The following TLR5 variants were observed in gnomAD, a reference collection of about 807,000 sequenced individuals.
The protein encoded by TLR5 is toll like receptor 5.
For missense variants in TLR5, 944 were observed against 999.8 expected, an observed-to-expected ratio of 0.94 and a Z score of 0.75; for synonymous variants, 373 against 384.4, an observed-to-expected ratio of 0.97 and a Z score of 0.35.
chr1:223,125,965 G>T (rs1009933652), intron 5 of TLR5, among the ~76,000 whole-genome samples: 2 of 151,926 alleles, frequency 1.3e-5, no homozygotes, highest in Non-Finnish European at 1.5e-5. Context: ...ATGAAACACA[G>T]AACTAACTGT....
At chr1:223,118,128 ATCAG>A (rs1656768624) in intron 5 of TLR5, among the ~76,000 whole-genome samples, 2 of 152,370 alleles carry the variant, frequency 1.3e-5, no homozygotes, top group South Asian at 4.1e-4. Flanking sequence ...GACATGAGAC[ATCAG>A]TCAGATACAT....
chr1:223,111,190 G>A lies in TLR5; in HGVS notation c.1842C>T (p.Asp614=), dbSNP rs1032601842. 1.2e-6 allele frequency: 2 copies of A among 1,614,186 alleles called. No homozygotes were observed. Among genetic ancestry groups the A allele is most frequent in the Admixed American group, 1.7e-5 (1 of 60,020 alleles). ...PPADIYCVYP[D]SFSGVSLFSL... is the part of the protein sequence containing the mutation. ...AGAAGAGGGAAACCCCAGAGAACGAGTCAGGGTACACACAATATATGTCTG... is the reference window on the plus strand; with the variant it reads ...AGAAGAGGGAAACCCCAGAGAACGAATCAGGGTACACACAATATATGTCTG... Residue 614 remains aspartate (D), a synonymous_variant, in exon 6 of 6, where the codon GAC becomes GAT. Coordinates refer to ENST00000642603, the MANE Select transcript of TLR5 (RefSeq NM_003268.6).
chr1:223,135,006 T>C (rs562298001), intron 3 of TLR5, 142 bp from the exon 4 acceptor site: 7 of 152,262 alleles, frequency 4.6e-5, no homozygotes, highest in African/African-American at 1.7e-4. Flanking sequence ...GAAATGGGAA[T>C]GTGAAGAGAG....
chr1:223,111,099 C>A lies in TLR5; in HGVS notation c.1933G>T (p.Val645Leu), dbSNP rs1419146637. The A allele has an allele frequency of 1.5e-5, 25 of 1,614,036 alleles. No individual in the cohort carries two copies. The highest frequency in any genetic ancestry group is 2.1e-5 in the Non-Finnish European group (25 of 1,180,044). ...AACAGAGTCAGAGTGACAGTGCATA[C>A]AATGAAAAGGGAGAACTTTAGGGAC... ...LKSLKFSLFI[V>L]CTVTLTLFLM... The change falls in exon 6 of 6, where the codon GTA becomes TTA. Residue 645 changes from valine (V) to leucine (L), a missense_variant. By Grantham distance (32) the Val-to-Leu change is conservative. Transcript: ENST00000642603.
chr1:223,141,475 A>C (rs759680410), intron 2 of TLR5, 173 bp downstream of exon 2: 4 of 152,096 alleles, frequency 2.6e-5, no homozygotes, highest in Non-Finnish European at 5.9e-5. Flanking sequence ...TGATTGTTGA[A>C]ATTTAGATTA....
chr1:223,110,504 T>C lies in TLR5; in HGVS notation c.2528A>G (p.Lys843Arg). The change falls in exon 6 of 6, where the codon AAG (lysine) becomes AGG (arginine). Residue 843 changes from lysine (K) to arginine (R), a missense_variant. Physicochemically the swap from Lys to Arg is conservative, Grantham distance 26. Coordinates refer to ENST00000642603, the MANE Select transcript of TLR5 (RefSeq NM_003268.6). ...CAACGGAATGTTATTGTCTTTCTTC[T>C]TTTCTTTTTCTTTCTTTAGTATCTG... ...SQQILKKEKE[K>R]KKDNNIPLQT... The C allele has an allele frequency of 6.2e-7, 1 of 1,614,124 alleles. No homozygotes were observed. The highest frequency in any genetic ancestry group is 8.5e-7 in the Non-Finnish European group (1 of 1,180,014).
chr1:223,119,899 G>A (rs947992563), intron 5 of TLR5, among the ~76,000 whole-genome samples: 3 of 142,456 alleles, frequency 2.1e-5, no homozygotes, highest in African/African-American at 5.4e-5. Context: ...GCAGTAAGCC[G>A]AGATCATGCC....
At position 223,112,933 on chromosome 1, in the gene TLR5, A is replaced by C; in HGVS notation, c.99T>G (p.Tyr33Ter). ...SCSFDGRIAF[Y>*]RFCNLTQVPQ... is the part of the protein sequence containing the mutation. ...GGACCTGGGTGAGGTTGCAGAAACG[A>C]TAAAAGGCTATTCGGCCATCAAAGG... Residue 33 changes from tyrosine (Y) to a stop codon, truncating the protein, a stop_gained, in exon 6 of 6, where the codon TAT (tyrosine) becomes TAG (stop). Transcript: ENST00000642603. LOFTEE classifies it low-confidence loss of function (END_TRUNC). The C allele has an allele frequency of 6.2e-7, 1 of 1,614,224 alleles. No homozygotes were observed. Among genetic ancestry groups the C allele is most frequent in the African/African-American group, 1.3e-5 (1 of 75,046 alleles).
intron 5 of TLR5, among the ~76,000 whole-genome samples, chr1:223,116,436 C>T (rs1656652259): frequency 6.6e-6 from 1 of 152,138 alleles, no homozygotes; most frequent in African/African-American, 2.4e-5. Context: ...TCATTCCTCC[C>T]TGTGGGTTCA....
chr1:223,134,889 T>C (rs1342981777), intron 3 of TLR5, 25 bp from the exon 4 acceptor site: 6 of 150,928 alleles, frequency 4.0e-5, no homozygotes, highest in African/African-American at 1.5e-4. Flanking sequence ...ACAGACAATC[T>C]GCTAAGCGCT....
intron 2 of TLR5, among the ~76,000 whole-genome samples, chr1:223,137,882 C>T (rs1311331638): frequency 6.6e-6 from 1 of 151,064 alleles, no homozygotes; most frequent in Non-Finnish European, 1.5e-5. Context: ...AAACCCCACC[C>T]AATGTTTCCA....
At position 223,131,788 on chromosome 1, in the gene TLR5, C is replaced by T. The variant is rs114260085; in HGVS notation, c.-5+687G>A. ...TAGAGACAGGGTTCCACCATGTTGC[C>T]CAGACTGGTCTCGAACTCCTGGGAT... On this transcript the variant is annotated intron_variant, in intron 5 of 5. Coordinates refer to ENST00000642603, the MANE Select transcript of TLR5 (RefSeq NM_003268.6). The surrounding 1 kb of genome is among the most constrained non-coding windows in gnomAD (Gnocchi z 4.2). Among the ~76,000 whole-genome samples the T allele has an allele frequency of 0.011, 1,620 of 151,940 alleles. 18 individuals are homozygous for T. The highest frequency in any genetic ancestry group is 0.021 in the South Asian group (99 of 4,800).
intron 5 of TLR5, among the ~76,000 whole-genome samples, chr1:223,115,957 G>A (rs541031724): frequency 1.4e-4 from 21 of 152,256 alleles, no homozygotes; most frequent in Non-Finnish European, 1.9e-4. Flanking sequence ...CAGGACCTTC[G>A]CAAGTGCTGC....
At chr1:223,114,322 G>A (rs1183637225) in intron 5 of TLR5, among the ~76,000 whole-genome samples, 1 of 152,128 alleles carries the variant, frequency 6.6e-6, no homozygotes, top group Admixed American at 6.5e-5. Context: ...CAGAGAGCTT[G>A]GTGTCTATTA....
chr1:223,115,937 T>C (rs1656612019), intron 5 of TLR5, among the ~76,000 whole-genome samples: 1 of 152,224 alleles, frequency 6.6e-6, no homozygotes, highest in Non-Finnish European at 1.5e-5. Context: ...TTCCAAACTC[T>C]TTCCAGCCTC....
chr1:223,112,538 G>A lies in TLR5; in HGVS notation c.494C>T (p.Ser165Leu), dbSNP rs754335100. 6.2e-7 allele frequency: 1 copy of A among 1,614,244 alleles called. No homozygotes were observed. The highest frequency in any genetic ancestry group is 1.7e-5 in the Admixed American group (1 of 60,030). Residue 165 changes from serine (S) to leucine (L), a missense_variant, in exon 6 of 6, where the codon TCA (serine) becomes TTA (leucine). Physicochemically the swap from Ser to Leu is moderately radical, Grantham distance 145. Transcript: ENST00000642603. ...NQIRSLYLHP[S>L]FGKLNSLKSI... The stretch of plus-strand genomic sequence containing the variant: ...CTTTAAGGAATTCAACTTCCCAAAT[G>A]AAGGATGAAGGTAAAGGCTACGAAT...
At chr1:223,122,228 A>G (rs192276347) in intron 5 of TLR5, among the ~76,000 whole-genome samples, 127 of 152,340 alleles carry the variant, frequency 8.3e-4, no homozygotes, top group Non-Finnish European at 1.2e-3. Flanking sequence ...CATCATGATG[A>G]TAAACCAACC....
At chr1:223,126,824 CA>C (rs1367997795) in intron 5 of TLR5, 2 of 152,196 alleles carry the variant, frequency 1.3e-5, no homozygotes, top group East Asian at 3.8e-4. Context: ...GGGGGAAAAA[CA>C]GAAACAGAAC....
intron 2 of TLR5, among the ~76,000 whole-genome samples, chr1:223,138,988 T>C (rs1039118875): frequency 3.3e-5 from 5 of 152,338 alleles, no homozygotes; most frequent in Non-Finnish European, 7.3e-5. Context: ...GGAGTTCCCC[T>C]GCACATGCTC....
Sources: gnomAD v4.1 joint callset for allele counts (sites outside exome capture counted in the v4.1 genomes callset) on GRCh38, gnomAD v4.1.1 for gene constraint, Gnocchi (gnomAD v3.1) non-coding constraint, MANE v1.5 for transcripts, NCBI Gene and HGNC (gene_info 2026-07-23, HGNC 2026-07-21) for gene names.